HEATR6: variants seen among roughly 807,000 people sequenced by gnomAD.
HEATR6 encodes HEAT repeat containing 6, also known as HEAT repeat-containing protein 6.
In HEATR6, 106 loss-of-function variants were observed where a neutral mutation model predicts 132.8. That is an observed-to-expected ratio of 0.80 (90% CI 0.68 to 0.94). HEATR6 has a LOEUF of 0.94. HEATR6 is among the 40% of genes least tolerant of loss of function. The pLI is 0.00. For missense variants in HEATR6, 1,339 were observed against 1,425.1 expected, an observed-to-expected ratio of 0.94 and a Z score of 0.97; for synonymous variants, 529 against 537.8, an observed-to-expected ratio of 0.98 and a Z score of 0.23.
rs2083278822 is a variant in HEATR6, at chr17:60,073,260, C to G, written c.488G>C (p.Gly163Ala). The stretch of plus-strand genomic sequence containing the variant: ...CAACTTCATTAAGAGTCCGGTGTTG[C>G]CTAGCAGCTCTGGGAGGTACTAAGA... ...KCQKYLPELL[G>A]NTGLLMKLSD... The change falls in exon 4 of 20, where the codon GGC becomes GCC. Residue 163 changes from glycine to alanine, a missense_variant. Gly to Ala is a moderately conservative substitution (Grantham distance 60). Transcript: ENST00000184956. 5.0e-6 allele frequency: 8 copies of G among 1,611,118 alleles called. No homozygotes were observed. Among genetic ancestry groups the G allele is most frequent in the Non-Finnish European group, 6.8e-6 (8 of 1,177,474 alleles).
At chr17:60,069,884 G>C in intron 6 of HEATR6, 36 bp from the exon 7 acceptor site, 4 of 1,586,058 alleles carry the variant, frequency 2.5e-6, no homozygotes, top group Non-Finnish European at 3.4e-6. Context: ...ACACACACAC[G>C]AAACCAAAAA....
At chr17:60,057,526 A>G in intron 11 of HEATR6, 123 bp from the exon 12 acceptor site, 1 of 632,280 alleles carries the variant, frequency 1.6e-6, no homozygotes, top group Admixed American at 3.1e-5. Context: ...TCAAACTTCT[A>G]GACCTCATTT....
Position 60,062,780 on chromosome 17 carries a change from A to T in HEATR6, c.1417-2684T>A, listed in dbSNP as rs765556112. 3.2e-4 allele frequency among the ~76,000 whole-genome samples: 48 copies of T among 152,166 alleles called. 1 individual carries two copies. Among genetic ancestry groups the T allele is most frequent in the Non-Finnish European group, 8.8e-5 (6 of 68,034 alleles). On this transcript the variant is annotated intron_variant, in intron 9 of 19. Coordinates refer to ENST00000184956, the MANE Select transcript of HEATR6 (RefSeq NM_022070.5). Reference sequence around the variant, plus strand: ...CCCCACCCAAATCTCAACTTGAATTATATCTCCCAGCATTCTCACGTGTTG... The same window carrying T: ...CCCCACCCAAATCTCAACTTGAATTTTATCTCCCAGCATTCTCACGTGTTG...
chr17:60,076,916 T>C (rs1382541121), intron 1 of HEATR6, among the ~76,000 whole-genome samples: 2 of 147,826 alleles, frequency 1.4e-5, no homozygotes, highest in African/African-American at 5.0e-5. Context: ...AACACTTCTA[T>C]GGATTTTATG....
chr17:60,057,270 A>G lies in HEATR6; in HGVS notation c.1857T>C (p.Pro619=). ...TCCACCAATCAGGAGGGCTGAGGTGAGGGGTTGCTGAATTGCTATTACCGA... is the reference window on the plus strand; with the variant it reads ...TCCACCAATCAGGAGGGCTGAGGTGGGGGGTTGCTGAATTGCTATTACCGA... ...SGLGNSNSAT[P]HLSPPDWWKK... The change falls in exon 12 of 20, where the codon CCT becomes CCC. Residue 619 remains proline (P), a synonymous_variant. Coordinates refer to ENST00000184956, the MANE Select transcript of HEATR6 (RefSeq NM_022070.5). The G allele has an allele frequency of 6.2e-7, 1 of 1,614,122 alleles. No individual in the cohort carries two copies. The highest frequency in any genetic ancestry group is 1.6e-4 in the Middle Eastern group (1 of 6,062).
Position 60,048,327 on chromosome 17 carries a change from A to G in HEATR6, c.2609T>C (p.Leu870Pro). ...CCAGGCTGCTTTGGCTCGAACATTC[A>G]GAGACTTGTCTTCAAGTGACATCAA... ...AILMSLEDKS[L>P]NVRAKAAWSL... is the part of the protein sequence containing the mutation. Residue 870 changes from leucine (L) to proline (P), a missense_variant, in exon 17 of 20, where the codon CTG (leucine) becomes CCG (proline). Leu to Pro is a moderately conservative substitution (Grantham distance 98). Transcript: ENST00000184956. 6.2e-7 allele frequency: 1 copy of G among 1,613,750 alleles called. No homozygotes were observed. The highest frequency in any genetic ancestry group is 8.5e-7 in the Non-Finnish European group (1 of 1,179,718).
At position 60,049,705 on chromosome 17, in the gene HEATR6, G is replaced by A. The variant is rs768725459; in HGVS notation, c.2425-3C>T. The A allele has an allele frequency of 3.7e-6, 6 of 1,612,256 alleles. No homozygotes were observed. The highest frequency in any genetic ancestry group is 3.3e-5 in the Admixed American group (2 of 59,960). On this transcript the variant is annotated splice_polypyrimidine_tract_variant and splice_region_variant and intron_variant, in intron 15 of 19. Transcript: ENST00000184956. The stretch of plus-strand genomic sequence containing the variant: ...ATGCACAGCATCTGCCTGTCATTCT[G>A]CAATGAGAAGGTTGACAAGGGAAAA...
At chr17:60,048,165 C>A in intron 17 of HEATR6, 99 bp downstream of exon 17, 12 of 1,247,462 alleles carry the variant, frequency 9.6e-6, no homozygotes, top group East Asian at 2.5e-5. Flanking sequence ...GCATAATATG[C>A]GGGAACTACT....
chr17:60,046,080 T>A lies in HEATR6; in HGVS notation c.2919A>T (p.Arg973=). The stretch of plus-strand genomic sequence containing the variant: ...TTCCCATTGCATAACAAGCATTCCA[T>A]CGGACTTTCATGGCAGCTTCTGTTA... The part of the protein sequence containing the change: ...TVLTEAAMKV[R]WNACYAMGNV... Residue 973 remains arginine (R), a synonymous_variant, in exon 19 of 20, where the codon CGA becomes CGT. Transcript: ENST00000184956. 1 of 1,614,118 alleles carries A rather than the reference T, an allele frequency of 6.2e-7. No homozygotes were observed.
intron 14 of HEATR6, among the ~76,000 whole-genome samples, chr17:60,054,164 T>C (rs2030376385): frequency 6.6e-6 from 1 of 152,228 alleles, no homozygotes; most frequent in African/African-American, 2.4e-5. Context: ...TCCCCAGCCT[T>C]GGCTCAAAGG....
At chr17:60,059,597 T>C in intron 10 of HEATR6, 76 bp from the exon 11 acceptor site, 1 of 1,036,058 alleles carries the variant, frequency 9.7e-7, no homozygotes, top group Non-Finnish European at 1.4e-6. Flanking sequence ...AGCATTTAAT[T>C]AAAAAAGAAA....
Position 60,059,759 on chromosome 17 carries a change from C to T in HEATR6, c.1623+131G>A, listed in dbSNP as rs1598911851. Reference sequence around the variant, plus strand: ...AGATCAGACGAGTAGGTACAGACTTCCAAATAGTGTATTTTTAATAAAACT... The same window carrying T: ...AGATCAGACGAGTAGGTACAGACTTTCAAATAGTGTATTTTTAATAAAACT... On this transcript the variant is annotated intron_variant, in intron 10 of 19. Transcript: ENST00000184956. The T allele has an allele frequency of 5.4e-6, 4 of 740,790 alleles. 1 individual carries two copies. The highest frequency in any genetic ancestry group is 5.0e-5 in the East Asian group (2 of 40,122). 45.9% of individuals were successfully genotyped at this position (740,790 alleles called of 1,614,324 possible).
chr17:60,056,305 T>A, intron 12 of HEATR6, 68 bp from the exon 13 acceptor site: 1 of 1,462,324 alleles, frequency 6.8e-7, no homozygotes, highest in South Asian at 1.4e-5. Context: ...AGAAAAGTGT[T>A]ACAATATTTC....
Position 60,057,183 on chromosome 17 carries a change from TG to T in HEATR6, c.1943del (p.Ser648Ter). The T allele has an allele frequency of 6.2e-7, 1 of 1,614,214 alleles. No individual in the cohort carries two copies. The highest frequency in any genetic ancestry group is 1.1e-5 in the South Asian group (1 of 91,088). ...AGAGTCGAATGAGCCAGCAGGGCTC[TG>T]AAGACCCCTTAGGTGAGCTAACTGA... Reference protein sequence around the residue: ...ETSVSSPKGSSEPCWLIRLCI... With the variant: ...ETSVSSPKGSXEPCWLIRLCI... On this transcript the variant is annotated frameshift_variant, in exon 12 of 20. Transcript: ENST00000184956.
Position 60,045,075 on chromosome 17 carries a change from G to A in HEATR6, c.2975-941C>T, listed in dbSNP as rs73320909. On this transcript the variant is annotated intron_variant, in intron 19 of 19. Coordinates refer to ENST00000184956, the MANE Select transcript of HEATR6 (RefSeq NM_022070.5). ...CTCTCTCTAGTAGGCTGAGGGCAAG[G>A]GCCATACAGGAAGGCTGGTAGGAGC... 4.1e-3 allele frequency among the ~76,000 whole-genome samples: 619 copies of A among 152,262 alleles called. 3 individuals are homozygous for A. The highest frequency in any genetic ancestry group is 0.013 in the African/African-American group (535 of 41,548).
intron 19 of HEATR6, 118 bp from the exon 20 acceptor site, chr17:60,044,252 A>C: frequency 1.4e-6 from 1 of 713,252 alleles, no homozygotes; most frequent in South Asian, 1.9e-5. Flanking sequence ...TTATGTGTTC[A>C]CTTCATTCTC....
chr17:60,047,404 C>T lies in HEATR6; in HGVS notation c.2674G>A (p.Glu892Lys), dbSNP rs764879094. ...TCCTGGAAACTTGGGTCTGGTGTTT[C>T]CCTGTTCCACCCAAAGCAGACAACA... Reference protein sequence around the residue: ...NLTDTLIVNMETPDPSFQEEF... With the variant: ...NLTDTLIVNMKTPDPSFQEEF... Residue 892 changes from glutamate to lysine, a missense_variant and splice_region_variant, in exon 18 of 20, where the codon GAA becomes AAA. Coordinates refer to ENST00000184956, the MANE Select transcript of HEATR6 (RefSeq NM_022070.5). The T allele has an allele frequency of 2.3e-5, 36 of 1,599,528 alleles. No homozygotes were observed. The South Asian group carries it at 2.3e-4, about 10-fold the overall frequency.
Position 60,056,942 on chromosome 17 carries a change from G to T in HEATR6, c.2079+106C>A. 3 of 737,344 alleles carry T rather than the reference G, an allele frequency of 4.1e-6. No homozygotes were observed. The South Asian group carries it at 6.0e-5, about 15-fold the overall frequency. The allele number at this position is 737,344 out of a possible 1,614,324, so 45.7% of individuals were successfully genotyped here. A position where few individuals can be genotyped will look rare whatever the true frequency, so the allele number is the denominator to read the frequency against. ...CCCATACCTAAAATACAATTCCCACGAACACAATTGACATATGGCTTGGTT... is the reference window on the plus strand; with the variant it reads ...CCCATACCTAAAATACAATTCCCACTAACACAATTGACATATGGCTTGGTT... On this transcript the variant is annotated intron_variant, in intron 12 of 19. Coordinates refer to ENST00000184956, the MANE Select transcript of HEATR6 (RefSeq NM_022070.5).
Position 60,043,558 on chromosome 17 carries a change from G to T in HEATR6, c.*5C>A, listed in dbSNP as rs772444281. ...CTTCGACATCTAGAAAGTATGGTGG[G>T]ATCTTCACTGATTTGTTAACCCTGG... On this transcript the variant is annotated 3_prime_UTR_variant, in exon 20 of 20. Transcript: ENST00000184956. The T allele has an allele frequency of 1.1e-5, 17 of 1,602,874 alleles. No individual in the cohort carries two copies. The highest frequency in any genetic ancestry group is 1.5e-5 in the Non-Finnish European group (17 of 1,171,616).
Sources: allele counts gnomAD v4.1 joint callset (sites outside exome capture counted in the v4.1 genomes callset), GRCh38; gene constraint gnomAD v4.1.1; transcripts MANE v1.5; gene names NCBI Gene and HGNC (gene_info 2026-07-23, HGNC 2026-07-21).